The following FHIT variants were observed in gnomAD, a reference collection of about 807,000 sequenced individuals.
The protein encoded by FHIT is fragile histidine triad diadenosine triphosphatase, also known as bis(5'-adenosyl)-triphosphatase.
A neutral mutation model predicts 17.9 loss-of-function variants in FHIT; 19 were observed. The observed-to-expected ratio is 1.06, with a 90% confidence interval of 0.74 to 1.56. The LOEUF (loss-of-function observed/expected upper bound fraction) is 1.56, where lower values mean the gene tolerates loss of function less well. FHIT is among the 40% of genes most tolerant of loss of function. The pLI is 0.00. For synonymous variants in FHIT, 81 were observed against 69.7 expected, an observed-to-expected ratio of 1.16 and a Z score of -0.81; for missense variants, 248 against 189.2, an observed-to-expected ratio of 1.31 and a Z score of -1.82.
At chr3:61,177,954 G>A (rs1357516870) in intron 2 of FHIT, among the ~76,000 whole-genome samples, 2 of 151,932 alleles carry the variant, frequency 1.3e-5, no homozygotes, top group Non-Finnish European at 2.9e-5. Flanking sequence ...TTTTCCTTCT[G>A]TAAAAATAAA....
chr3:61,209,842 C>A (rs1417483777), intron 1 of FHIT, among the ~76,000 whole-genome samples: 2 of 152,194 alleles, frequency 1.3e-5, no homozygotes, highest in Admixed American at 1.3e-4. Context: ...CAGCTTTGTT[C>A]CATTGCTGGT....
intron 5 of FHIT, among the ~76,000 whole-genome samples, chr3:60,061,276 G>A (rs527839235): frequency 1.1e-4 from 17 of 152,360 alleles, no homozygotes; most frequent in African/African-American, 1.4e-4. Context: ...AGACTCTGGA[G>A]TAAGAGATGG....
intron 9 of FHIT, 164 bp from the exon 10 acceptor site, chr3:59,749,743 A>ATTTCTGTCCAGAACCCAGCATCT (rs1700782601): frequency 4.4e-6 from 1 of 228,528 alleles, no homozygotes. Flanking sequence ...TTACAACTAT[A>ATTTCTGTCCAGAACCCAGCATCT]TTTCTGTCCA....
chr3:60,910,283 C>A (rs994957043), intron 3 of FHIT, among the ~76,000 whole-genome samples: 1 of 152,122 alleles, frequency 6.6e-6, no homozygotes, highest in Non-Finnish European at 1.5e-5. Context: ...TTTCTTCCCC[C>A]ACCACAAAGA....
intron 7 of FHIT, among the ~76,000 whole-genome samples, chr3:60,001,346 C>T (rs527870729): frequency 1.3e-5 from 2 of 152,252 alleles, no homozygotes; most frequent in East Asian, 3.9e-4. Context: ...TTATGGTGTT[C>T]ATTTCAAAGT....
chr3:60,036,623 C>T (rs1701228769), intron 5 of FHIT, among the ~76,000 whole-genome samples: 1 of 152,116 alleles, frequency 6.6e-6, no homozygotes, highest in Non-Finnish European at 1.5e-5. Context: ...CATAGTCCCG[C>T]CACCCTAAAC....
chr3:60,996,056 A>C (rs149409319), intron 3 of FHIT, among the ~76,000 whole-genome samples: 3 of 152,338 alleles, frequency 2.0e-5, no homozygotes, highest in Non-Finnish European at 4.4e-5. Flanking sequence ...TAAGGCATAA[A>C]AATTAGTTCT....
intron 5 of FHIT, among the ~76,000 whole-genome samples, chr3:60,241,722 T>G (rs2107574279): frequency 6.6e-6 from 1 of 152,212 alleles, no homozygotes; most frequent in South Asian, 2.1e-4. Flanking sequence ...TATTCCTACA[T>G]ATGAAGAGAG....
At chr3:61,080,188 T>C (rs1371370261) in intron 2 of FHIT, among the ~76,000 whole-genome samples, 1 of 152,186 alleles carries the variant, frequency 6.6e-6, no homozygotes, top group East Asian at 1.9e-4. Flanking sequence ...AGTTAGAGCT[T>C]TATCAAAATA....
At chr3:60,176,539 T>G (rs1464302539) in intron 5 of FHIT, among the ~76,000 whole-genome samples, 1 of 152,144 alleles carries the variant, frequency 6.6e-6, no homozygotes, top group South Asian at 2.1e-4. Context: ...TAAGGCTGTG[T>G]GATATATAAA....
At chr3:60,606,134 C>G (rs782003349) in intron 4 of FHIT, among the ~76,000 whole-genome samples, 19 of 152,108 alleles carry the variant, frequency 1.2e-4, no homozygotes, top group Non-Finnish European at 2.1e-4. Context: ...TCCCTAACTT[C>G]CTACCCAACA....
intron 3 of FHIT, among the ~76,000 whole-genome samples, chr3:60,967,075 A>G (rs1709781716): frequency 6.6e-6 from 1 of 152,242 alleles, no homozygotes; most frequent in South Asian, 2.1e-4. Context: ...GATGTTAAAT[A>G]TAAATAGTAT....
At chr3:61,087,344 A>G (rs1468866053) in intron 2 of FHIT, among the ~76,000 whole-genome samples, 1 of 152,152 alleles carries the variant, frequency 6.6e-6, no homozygotes, top group Admixed American at 6.5e-5. Flanking sequence ...TTTGTATATT[A>G]TTATACAGAT....
chr3:61,076,866 T>A lies in FHIT; in HGVS notation c.-163-34767A>T, dbSNP rs559744477. Among the ~76,000 whole-genome samples the A allele has an allele frequency of 2.6e-5, 4 of 152,304 alleles. No individual in the cohort carries two copies. The South Asian group carries it at 8.3e-4, about 32-fold the overall frequency. ...ATCAGGCCAAATCTCTCTGCAAATA[T>A]TCATCCTGTTTCTTTTGGTTCTTCA... On this transcript the variant is annotated intron_variant, in intron 2 of 9. Coordinates refer to ENST00000492590, the MANE Select transcript of FHIT (RefSeq NM_002012.4).
intron 3 of FHIT, among the ~76,000 whole-genome samples, chr3:60,949,919 T>C (rs1295653993): frequency 2.0e-5 from 3 of 152,214 alleles, no homozygotes; most frequent in African/African-American, 7.2e-5. Flanking sequence ...AAATTAATTA[T>C]GGTATAGCCA....
chr3:60,749,846 G>C (rs2042431859), intron 4 of FHIT, among the ~76,000 whole-genome samples: 1 of 152,142 alleles, frequency 6.6e-6, no homozygotes, highest in Non-Finnish European at 1.5e-5. Flanking sequence ...TAGAAGGTAA[G>C]CAACAAATCT....
intron 5 of FHIT, among the ~76,000 whole-genome samples, chr3:60,405,355 C>CA (rs767611799): frequency 2.0e-5 from 3 of 152,216 alleles, no homozygotes; most frequent in Non-Finnish European, 4.4e-5. Context: ...ATGCACTCCC[C>CA]ATTCTGAGTC....
At chr3:61,229,676 A>G (rs567310655) in intron 1 of FHIT, among the ~76,000 whole-genome samples, 1 of 152,318 alleles carries the variant, frequency 6.6e-6, no homozygotes, top group South Asian at 2.1e-4. Flanking sequence ...AACGTGCAGC[A>G]CAGGGCCTAG....
In FHIT at chr3:60,795,690, T is replaced by C. The variant is rs146934961; in HGVS notation, c.-18+26229A>G. On this transcript the variant is annotated intron_variant, in intron 4 of 9. Transcript: ENST00000492590. ...CCACTACCCCTGTCTAATTTTTGTA[T>C]TTTTTGTAGAGATGGGGTTTCACCA... Among the ~76,000 whole-genome samples the C allele has an allele frequency of 9.9e-3, 1,503 of 152,208 alleles. 29 individuals are homozygous for C. The highest frequency in any genetic ancestry group is 0.034 in the African/African-American group (1,413 of 41,554).
Sources: gnomAD v4.1 joint callset for allele counts (sites outside exome capture counted in the v4.1 genomes callset) on GRCh38, gnomAD v4.1.1 for gene constraint, MANE v1.5 for transcripts, NCBI Gene and HGNC (gene_info 2026-07-23, HGNC 2026-07-21) for gene names.